The following PTPRQ variants were observed in gnomAD, a reference collection of about 807,000 sequenced individuals.
PTPRQ encodes the protein protein tyrosine phosphatase receptor type Q.
In PTPRQ, 199 loss-of-function variants were observed where a neutral mutation model predicts 246.0. The observed-to-expected ratio is 0.81, with a 90% CI of 0.72 to 0.91. The LOEUF is 0.91. Ranked by LOEUF, PTPRQ falls within the 40% of genes least tolerant of loss-of-function variation. The pLI, the probability that PTPRQ is intolerant of heterozygous loss-of-function variation, is 0.00. For missense variants in PTPRQ, 2,624 were observed against 2,528.4 expected, an observed-to-expected ratio of 1.04 and a Z score of -0.81; for synonymous variants, 869 against 853.2, an observed-to-expected ratio of 1.02 and a Z score of -0.32.
In PTPRQ at chr12:80,547,477, A is replaced by T. The variant is rs12301844; in HGVS notation, c.4015+780A>T. Among the ~76,000 whole-genome samples the T allele has an allele frequency of 9.0e-3, 1,371 of 152,242 alleles. 18 individuals are homozygous for T. Among genetic ancestry groups the T allele is most frequent in the African/African-American group, 0.031 (1,306 of 41,544 alleles). On this transcript the variant is annotated intron_variant, in intron 24 of 44. Transcript: ENST00000644991. ...CTTCCTGGTATGTTAGTGAATCTTT[A>T]AATCGAGATTGTAGACCACTGACTA...
At chr12:80,612,426 T>C (rs1898586495) in intron 28 of PTPRQ, among the ~76,000 whole-genome samples, 1 of 150,394 alleles carries the variant, frequency 6.6e-6, no homozygotes. Flanking sequence ...ACATAAGTTT[T>C]CAATACCATT....
chr12:80,674,911 T>G (rs1375515492), intron 43 of PTPRQ, among the ~76,000 whole-genome samples: 1 of 152,168 alleles, frequency 6.6e-6, no homozygotes, highest in East Asian at 1.9e-4. Flanking sequence ...TCCAGGAGTA[T>G]GATGAATGTG....
At chr12:80,602,047 C>G (rs551178616) in intron 26 of PTPRQ, among the ~76,000 whole-genome samples, 2 of 151,586 alleles carry the variant, frequency 1.3e-5, no homozygotes, top group African/African-American at 4.8e-5. Context: ...CTTTCTTTAC[C>G]CTCTCCCCTG....
chr12:80,529,190 G>T (rs1378029907), intron 17 of PTPRQ, among the ~76,000 whole-genome samples: 14 of 151,854 alleles, frequency 9.2e-5, no homozygotes, highest in Admixed American at 9.2e-4. Flanking sequence ...TTATATAATG[G>T]GAAAATTAAT....
At chr12:80,639,772 G>A (rs956323848) in intron 35 of PTPRQ, among the ~76,000 whole-genome samples, 2 of 151,958 alleles carry the variant, frequency 1.3e-5, no homozygotes, top group African/African-American at 2.4e-5. Flanking sequence ...ATACTACCCC[G>A]GTCTACTTTC....
intron 19 of PTPRQ, among the ~76,000 whole-genome samples, chr12:80,535,475 TA>T (rs942845636): frequency 3.3e-5 from 5 of 152,248 alleles, no homozygotes; most frequent in African/African-American, 1.2e-4. Context: ...TTTCTTTAAT[TA>T]AAAAAAGTTT....
At chr12:80,637,096 T>C (rs1899682705) in intron 35 of PTPRQ, among the ~76,000 whole-genome samples, 1 of 152,058 alleles carries the variant, frequency 6.6e-6, no homozygotes, top group Admixed American at 6.6e-5. Context: ...CCCATCTCTA[T>C]TAAAAATATA....
intron 10 of PTPRQ, 61 bp from the exon 11 acceptor site, chr12:80,494,872 A>T: frequency 1.4e-6 from 2 of 1,473,178 alleles, no homozygotes; most frequent in South Asian, 2.9e-5. Flanking sequence ...TAAGAAAAAA[A>T]TAATTTTGAT....
rs577383773 is a variant in PTPRQ at position 80,574,014 on chromosome 12, A to C, written c.4286-14115A>C. On this transcript the variant is annotated intron_variant, in intron 25 of 44. Transcript: ENST00000644991. ...GGAAATGATAAAATATTTAACTACGATTGTGGGTTTTTTTCTTTCAGTTCT... is the reference window on the plus strand; with the variant it reads ...GGAAATGATAAAATATTTAACTACGCTTGTGGGTTTTTTTCTTTCAGTTCT... 2.6e-5 allele frequency among the ~76,000 whole-genome samples: 4 copies of C among 152,128 alleles called. No individual in the cohort carries two copies. In the South Asian group the frequency reaches 6.2e-4, roughly 24 times the overall value.
chr12:80,511,936 T>G (rs1253291524), intron 17 of PTPRQ, among the ~76,000 whole-genome samples: 1 of 152,186 alleles, frequency 6.6e-6, no homozygotes, highest in Non-Finnish European at 1.5e-5. Flanking sequence ...AGATTCCTTA[T>G]AAAGAATGAA....
intron 6 of PTPRQ, among the ~76,000 whole-genome samples, chr12:80,468,078 G>T (rs1471495642): frequency 6.6e-6 from 1 of 151,908 alleles, no homozygotes; most frequent in Admixed American, 6.6e-5. Context: ...CAATAATTTT[G>T]TTTTGAAAAA....
In PTPRQ at chr12:80,620,499, T is replaced by C. The variant is rs529104349; in HGVS notation, c.5612+123T>C. The C allele has an allele frequency of 3.6e-5, 48 of 1,341,142 alleles. 1 individual carries two copies. The South Asian group carries it at 7.0e-4, about 19-fold the overall frequency. The allele number at this position is 1,341,142 out of a possible 1,614,324, so 83.1% of individuals were successfully genotyped here. A position where few individuals can be genotyped will look rare whatever the true frequency, so the allele number is the denominator to read the frequency against. On this transcript the variant is annotated intron_variant, in intron 32 of 44. Transcript: ENST00000644991. ...TGGATGTCCGCCACGTATAGTGACC[T>C]GATTTTTCTGGCACTAGGAATAGAA...
chr12:80,535,240 C>T (rs1773645652), intron 19 of PTPRQ, among the ~76,000 whole-genome samples: 2 of 152,058 alleles, frequency 1.3e-5, no homozygotes, highest in Non-Finnish European at 2.9e-5. Flanking sequence ...CACACACACA[C>T]ACACACATAC....
chr12:80,490,822 A>G (rs1894424861), intron 9 of PTPRQ, among the ~76,000 whole-genome samples: 2 of 151,614 alleles, frequency 1.3e-5, no homozygotes, highest in Admixed American at 1.3e-4. Context: ...GCCCCTTCCC[A>G]CTACTCTCTT....
chr12:80,499,395 A>G (rs1894728133), intron 14 of PTPRQ, among the ~76,000 whole-genome samples: 1 of 151,988 alleles, frequency 6.6e-6, no homozygotes, highest in African/African-American at 2.4e-5. Flanking sequence ...TATGTTTGCT[A>G]CTGTTAAACC....
chr12:80,510,645 T>A (rs2120715365), intron 17 of PTPRQ, among the ~76,000 whole-genome samples: 1 of 152,208 alleles, frequency 6.6e-6, no homozygotes, highest in South Asian at 2.1e-4. Context: ...AATTTTGCAA[T>A]TAAAACAAAA....
intron 43 of PTPRQ, among the ~76,000 whole-genome samples, chr12:80,677,601 A>G (rs544981831): frequency 1.3e-5 from 2 of 152,350 alleles, no homozygotes; most frequent in South Asian, 4.1e-4. Flanking sequence ...TTCTGCCTTT[A>G]TAAAACTGAC....
intron 25 of PTPRQ, among the ~76,000 whole-genome samples, chr12:80,582,835 A>G (rs1274007034): frequency 1.3e-5 from 2 of 152,196 alleles, no homozygotes; most frequent in East Asian, 3.8e-4. Context: ...AGCCTGTGCA[A>G]CAGAGTGAGA....
chr12:80,491,691 T>G (rs1351976812), intron 9 of PTPRQ, among the ~76,000 whole-genome samples: 2 of 151,972 alleles, frequency 1.3e-5, no homozygotes, highest in African/African-American at 4.8e-5. Flanking sequence ...GAAGAATTAA[T>G]ATTTAAGTAA....
Sources: gnomAD v4.1 joint callset for allele counts (sites outside exome capture counted in the v4.1 genomes callset) on GRCh38, gnomAD v4.1.1 for gene constraint, MANE v1.5 for transcripts, NCBI Gene and HGNC (gene_info 2026-07-23, HGNC 2026-07-21) for gene names.